The following RPA3 variants were observed in gnomAD, a reference collection of about 807,000 sequenced individuals.
RPA3 encodes replication protein A 14 kDa subunit.
RPA3 carries 24 observed loss-of-function variants against 13.7 expected under a neutral mutation model. That is an observed-to-expected ratio of 1.75 (90% CI 1.27 to 2.46). The LOEUF (loss-of-function observed/expected upper bound fraction) is 2.46, where lower values mean the gene tolerates loss of function less well. Ranked by LOEUF, RPA3 falls within the 30% of genes most tolerant of loss-of-function variation. The pLI is 0.00. For synonymous variants in RPA3, 59 were observed against 51.2 expected, an observed-to-expected ratio of 1.15 and a Z score of -0.65; for missense variants, 183 against 151.0, an observed-to-expected ratio of 1.21 and a Z score of -1.11.
chr7:7,677,700 G>T, intron 4 of RPA3, among the ~76,000 whole-genome samples: 1 of 117,924 alleles, frequency 8.5e-6, no homozygotes. Context: ...TTGAGACGGA[G>T]TCTCGCTCTG....
chr7:7,652,796 A>C (rs1284402676), intron 4 of RPA3, among the ~76,000 whole-genome samples: 2 of 152,248 alleles, frequency 1.3e-5, no homozygotes, highest in African/African-American at 4.8e-5. Flanking sequence ...ATGGGGAGGA[A>C]GTAGTAAGCC....
chr7:7,684,022 G>A (rs748867065), intron 4 of RPA3, among the ~76,000 whole-genome samples: 7 of 152,106 alleles, frequency 4.6e-5, no homozygotes, highest in Admixed American at 1.3e-4. Flanking sequence ...GACGCTCAAC[G>A]CTCTGATATA....
In RPA3 at chr7:7,696,301, T is replaced by TA. The variant is rs758654378; in HGVS notation, c.-1027-8974dup. Among the ~76,000 whole-genome samples the TA allele has an allele frequency of 4.8e-3, 699 of 144,310 alleles. 7 individuals are homozygous for TA. The highest frequency in any genetic ancestry group is 0.016 in the African/African-American group (641 of 39,564). 94.7% of individuals were successfully genotyped at this position (144,310 alleles called of 152,430 possible). ...AGTTGGTAAGAATTATTAGGTAGATTAAAAAAAAAAACACCCCAAAACAAA... is the reference window on the plus strand; with the variant it reads ...AGTTGGTAAGAATTATTAGGTAGATTAAAAAAAAAAAACACCCCAAAACAAA... On this transcript the variant is annotated intron_variant, in intron 2 of 7. Transcript: ENST00000223129.
rs1779657320 is a variant in RPA3 at position 7,673,354 on chromosome 7, GCAGCAGCAGCAGCA to G, written c.-758+12462_-758+12475del. On this transcript the variant is annotated intron_variant, in intron 4 of 7. Transcript: ENST00000223129. ...AGCAGCAGCAGCAGCAGCAGCAGCA[GCAGCAGCAGCAGCA>G]GCAATGTTTCACTTCTTCAGAAAGC... The G allele has an allele frequency of 2.3e-6, 3 of 1,282,342 alleles. No homozygotes were observed. In the African/African-American group the frequency reaches 4.5e-5, roughly 19 times the overall value. 79.4% of individuals were successfully genotyped at this position (1,282,342 alleles called of 1,614,324 possible).
intron 4 of RPA3, among the ~76,000 whole-genome samples, chr7:7,681,018 C>T (rs1287115480): frequency 6.6e-6 from 1 of 151,940 alleles, no homozygotes; most frequent in Non-Finnish European, 1.5e-5. Context: ...ACGTACATTA[C>T]AGAAAAATAA....
At chr7:7,703,496 C>T (rs144689837) in intron 2 of RPA3, among the ~76,000 whole-genome samples, 345 of 152,260 alleles carry the variant, frequency 2.3e-3, no homozygotes, top group African/African-American at 7.8e-3. Flanking sequence ...AGCACATACA[C>T]ATAATTTTAT....
intron 4 of RPA3, among the ~76,000 whole-genome samples, chr7:7,685,105 C>G (rs1219436489): frequency 6.6e-6 from 1 of 151,942 alleles, no homozygotes; most frequent in Non-Finnish European, 1.5e-5. Context: ...GGATGAGACT[C>G]TAAGTAAAAT....
intron 2 of RPA3, among the ~76,000 whole-genome samples, chr7:7,709,623 T>A (rs1780700737): frequency 6.6e-6 from 1 of 152,274 alleles, no homozygotes; most frequent in Admixed American, 6.5e-5. Context: ...AGAAGTCATC[T>A]TTCCCTAACA....
intron 2 of RPA3, among the ~76,000 whole-genome samples, chr7:7,707,174 C>A (rs1217925838): frequency 6.6e-6 from 1 of 152,090 alleles, no homozygotes; most frequent in Non-Finnish European, 1.5e-5. Context: ...CAGGCAAAAT[C>A]AGTTTTTACA....
chr7:7,671,296 C>A (rs1779600218), intron 4 of RPA3, among the ~76,000 whole-genome samples: 1 of 152,130 alleles, frequency 6.6e-6, no homozygotes, highest in South Asian at 2.1e-4. Flanking sequence ...TGCATGCCCC[C>A]CTCTTCTCTT....
At chr7:7,714,152 T>C (rs1258684173) in intron 2 of RPA3, among the ~76,000 whole-genome samples, 1 of 152,248 alleles carries the variant, frequency 6.6e-6, no homozygotes, top group African/African-American at 2.4e-5. Flanking sequence ...TGATAGAAAT[T>C]CCTGAAATGT....
intron 4 of RPA3, among the ~76,000 whole-genome samples, chr7:7,682,513 A>G (rs1469281184): frequency 6.6e-6 from 1 of 152,188 alleles, no homozygotes; most frequent in Non-Finnish European, 1.5e-5. Context: ...ATTTAGCTGT[A>G]TACATAAAAA....
intron 4 of RPA3, among the ~76,000 whole-genome samples, chr7:7,672,939 C>T (rs1409992462): frequency 6.6e-6 from 1 of 152,172 alleles, no homozygotes; most frequent in African/African-American, 2.4e-5. Flanking sequence ...GAAACCTGGA[C>T]AGGTCTGTTT....
chr7:7,656,307 TA>T (rs762593628), intron 4 of RPA3, among the ~76,000 whole-genome samples: 47 of 151,912 alleles, frequency 3.1e-4, no homozygotes, highest in African/African-American at 4.3e-4. Context: ...TTCATGTATT[TA>T]AAAAAATTTT....
At chr7:7,655,827 C>G (rs2115081681) in intron 4 of RPA3, among the ~76,000 whole-genome samples, 1 of 151,750 alleles carries the variant, frequency 6.6e-6, no homozygotes, top group South Asian at 2.1e-4. Context: ...CAGTCTCTCT[C>G]TCTCTCTCTC....
chr7:7,688,358 T>C (rs948202787), intron 2 of RPA3, among the ~76,000 whole-genome samples: 14 of 152,146 alleles, frequency 9.2e-5, no homozygotes, highest in African/African-American at 3.4e-4. Flanking sequence ...GAAAGTAGAA[T>C]GTGAGAACCT....
chr7:7,665,257 C>T (rs1779413389), intron 4 of RPA3, among the ~76,000 whole-genome samples: 2 of 152,182 alleles, frequency 1.3e-5, no homozygotes, highest in Admixed American at 1.3e-4. Flanking sequence ...TAGTGCTCTC[C>T]TACCTCTATT....
chr7:7,698,956 GTGATTCT>G, intron 2 of RPA3, among the ~76,000 whole-genome samples: 1 of 149,880 alleles, frequency 6.7e-6, no homozygotes, highest in East Asian at 2.0e-4. Flanking sequence ...CCTGGGCTCA[GTGATTCT>G]CCCACTTCAG....
intron 2 of RPA3, among the ~76,000 whole-genome samples, chr7:7,704,938 C>T (rs906866805): frequency 6.6e-6 from 1 of 152,050 alleles, no homozygotes; most frequent in Non-Finnish European, 1.5e-5. Flanking sequence ...CAGTATTCAT[C>T]ATCTGAATGA....
Sources: gnomAD v4.1 joint callset for allele counts (sites outside exome capture counted in the v4.1 genomes callset) on GRCh38, gnomAD v4.1.1 for gene constraint, MANE v1.5 for transcripts, NCBI Gene and HGNC (gene_info 2026-07-23, HGNC 2026-07-21) for gene names.